NHSL2: variants seen among roughly 807,000 people sequenced by gnomAD.
NHSL2 encodes NHS-like protein 2.
A neutral mutation model predicts 53.4 loss-of-function variants in NHSL2; 27 were observed. The observed-to-expected ratio is 0.51, with a 90% CI of 0.37 to 0.70. The LOEUF (loss-of-function observed/expected upper bound fraction) is 0.70. Among genes scored for constraint, NHSL2 ranks in the 30% least tolerant of loss-of-function variants. The probability of loss-of-function intolerance (pLI) is 0.00; values close to 1 mark genes in which losing one functional copy is unlikely to be tolerated. For synonymous variants in NHSL2, 408 were observed against 404.1 expected (o/e 1.01, Z -0.12); for missense variants, 892 against 980.1 (o/e 0.91, Z 1.20).
chrX:71,924,852 C>T (rs1050474252), intron 1 of NHSL2, among the ~76,000 whole-genome samples: 1 of 112,121 alleles, frequency 8.9e-6, no homozygotes, highest in African/African-American at 3.2e-5. Flanking sequence ...GGTGTTGAGC[C>T]TCTGTTTTCT....
At position 71,925,210 on chromosome X, in the gene NHSL2, T is replaced by C. The variant is rs773547114; in HGVS notation, c.280+13843T>C. The stretch of plus-strand genomic sequence containing the variant: ...CAAGAGGTGGTTATTGACTCCTAGA[T>C]ATTTTGCCTGCAATAGGATATACCA... On this transcript the variant is annotated intron_variant, in intron 1 of 7. Coordinates refer to ENST00000633930, the MANE Select transcript of NHSL2 (RefSeq NM_001013627.3). 8.9e-5 allele frequency among the ~76,000 whole-genome samples: 10 copies of C among 111,951 alleles called. No homozygotes were observed. The East Asian group carries it at 2.8e-3, about 31-fold the overall frequency.
chrX:72,070,821 G>A (rs2041697027), intron 1 of NHSL2, among the ~76,000 whole-genome samples: 1 of 111,003 alleles, frequency 9.0e-6, no homozygotes, highest in South Asian at 3.9e-4. Flanking sequence ...GTGCCTGTTT[G>A]GGAAGCTCTC....
intron 1 of NHSL2, among the ~76,000 whole-genome samples, chrX:72,048,696 G>A (rs1287524224): frequency 9.1e-6 from 1 of 109,965 alleles, no homozygotes; most frequent in African/African-American, 3.3e-5. Flanking sequence ...CACCAGGGCG[G>A]GGCAGCAGCT....
At chrX:71,944,283 G>A (rs993383816) in intron 1 of NHSL2, among the ~76,000 whole-genome samples, 4 of 112,246 alleles carry the variant, frequency 3.6e-5, no homozygotes, top group African/African-American at 1.3e-4. Flanking sequence ...GCTACAAATT[G>A]GAGTTCTGTT....
chrX:72,113,647 G>A (rs1298342283), intron 1 of NHSL2, among the ~76,000 whole-genome samples: 1 of 112,230 alleles, frequency 8.9e-6, no homozygotes, highest in Non-Finnish European at 1.9e-5. Flanking sequence ...TGTCAGGTGC[G>A]CCTACCATAC....
chrX:72,108,148 G>C (rs907871755), intron 1 of NHSL2, among the ~76,000 whole-genome samples: 7 of 112,016 alleles, frequency 6.2e-5, no homozygotes, highest in African/African-American at 2.3e-4. Context: ...GACAGGTCTT[G>C]GTGATTCCTC....
In NHSL2 at chrX:71,980,109, C is replaced by T. The variant is rs189220632; in HGVS notation, c.280+68742C>T. ...TTATTTCTGAGGGCTCTGTTCTGTTCCATTGGTCTATATCTCTGTTTTGGT... is the reference window on the plus strand; with the variant it reads ...TTATTTCTGAGGGCTCTGTTCTGTTTCATTGGTCTATATCTCTGTTTTGGT... On this transcript the variant is annotated intron_variant, in intron 1 of 7. Transcript: ENST00000633930. 5.9e-3 allele frequency among the ~76,000 whole-genome samples: 659 copies of T among 111,593 alleles called. 5 individuals carry two copies. The highest frequency in any genetic ancestry group is 0.02 in the African/African-American group (620 of 30,639).
At chrX:72,083,616 T>C (rs748582549) in intron 1 of NHSL2, among the ~76,000 whole-genome samples, 1 of 112,737 alleles carries the variant, frequency 8.9e-6, no homozygotes, top group South Asian at 3.6e-4. Flanking sequence ...TTTCTATTTA[T>C]GGCAAGTGAT....
In NHSL2 at chrX:72,152,131, T is replaced by G. The variant is rs1004908793; in HGVS notation, c.*8557T>G. 8.9e-6 allele frequency: 1 copy of G among 112,917 alleles called. No individual in the cohort carries two copies. Among genetic ancestry groups the G allele is most frequent in the Non-Finnish European group, 1.9e-5 (1 of 53,361 alleles). 9.3% of individuals were successfully genotyped at this position (112,917 alleles called of 1,213,427 possible). On this transcript the variant is annotated 3_prime_UTR_variant, in exon 8 of 8. Transcript: ENST00000633930. ...CTGTGTTTTGAATCTCTAAATGAATTCTGTTCTAAAGCTTCTTCACGTCTC... is the reference window on the plus strand; with the variant it reads ...CTGTGTTTTGAATCTCTAAATGAATGCTGTTCTAAAGCTTCTTCACGTCTC...
At chrX:72,069,159 A>AGAGTGAGC (rs748714899) in intron 1 of NHSL2, among the ~76,000 whole-genome samples, 1 of 112,224 alleles carries the variant, frequency 8.9e-6, no homozygotes, top group Non-Finnish European at 1.9e-5. Context: ...TTCTGCAGAC[A>AGAGTGAGC]GAGTGAGCGA....
chrX:71,923,094 G>A (rs983824701), intron 1 of NHSL2, among the ~76,000 whole-genome samples: 5 of 111,666 alleles, frequency 4.5e-5, no homozygotes, highest in African/African-American at 9.8e-5. Flanking sequence ...AGCTAGTGAA[G>A]GAGAAGGTTC....
intron 1 of NHSL2, among the ~76,000 whole-genome samples, chrX:71,985,668 G>A (rs1052005635): frequency 8.9e-6 from 1 of 112,157 alleles, no homozygotes; most frequent in Non-Finnish European, 1.9e-5. Flanking sequence ...CAAAACAAAA[G>A]GATCCGCAAT....
chrX:72,126,839 C>T (rs757376903), intron 1 of NHSL2, among the ~76,000 whole-genome samples: 1 of 112,508 alleles, frequency 8.9e-6, no homozygotes, highest in South Asian at 3.7e-4. Context: ...CATGCCCGTG[C>T]GTGCCTGTAG....
intron 1 of NHSL2, among the ~76,000 whole-genome samples, chrX:71,931,747 C>T (rs1323448779): frequency 1.8e-5 from 2 of 112,789 alleles, no homozygotes; most frequent in Non-Finnish European, 3.7e-5. Context: ...ATGCCAGTAG[C>T]ACATAGTTTT....
intron 1 of NHSL2, among the ~76,000 whole-genome samples, chrX:72,069,066 A>C (rs2042449412): frequency 8.9e-6 from 1 of 112,416 alleles, no homozygotes; most frequent in African/African-American, 3.2e-5. Context: ...TGTCACTTAG[A>C]ATTCCTGGGT....
In NHSL2 at chrX:72,146,249, C is replaced by G. The variant is rs2042462929; in HGVS notation, c.*2675C>G. On this transcript the variant is annotated 3_prime_UTR_variant, in exon 8 of 8. Coordinates refer to ENST00000633930, the MANE Select transcript of NHSL2 (RefSeq NM_001013627.3). Reference sequence around the variant, plus strand: ...TAGACGTCCCAAATAAACAACCAAACTGTAAAATTTCTACTAATCACTAAT... The same window carrying G: ...TAGACGTCCCAAATAAACAACCAAAGTGTAAAATTTCTACTAATCACTAAT... 1 of 111,809 alleles carries G rather than the reference C, an allele frequency of 8.9e-6. No homozygotes were observed. Among genetic ancestry groups the G allele is most frequent in the East Asian group, 2.8e-4 (1 of 3,564 alleles). 9.2% of individuals were successfully genotyped at this position (111,809 alleles called of 1,213,427 possible). A position where few individuals can be genotyped will look rare whatever the true frequency, so the allele number is the denominator to read the frequency against.
intron 1 of NHSL2, among the ~76,000 whole-genome samples, chrX:71,971,313 G>A (rs2147858933): frequency 9.0e-6 from 1 of 111,652 alleles, no homozygotes; most frequent in African/African-American, 3.3e-5. Flanking sequence ...CCCCATTTTT[G>A]TGCTATTGTT....
intron 1 of NHSL2, among the ~76,000 whole-genome samples, chrX:71,987,210 C>CA (rs373290452): frequency 0.034 from 3,570 of 103,991 alleles, 148 homozygotes; most frequent in African/African-American, 0.12. Flanking sequence ...GACTCCGTAT[C>CA]AAAAAAAAAA....
intron 1 of NHSL2, among the ~76,000 whole-genome samples, chrX:71,944,555 AAAGG>A (rs1224559841): frequency 3.6e-5 from 4 of 112,006 alleles, no homozygotes; most frequent in African/African-American, 1.3e-4. Context: ...CCCTCAGCCA[AAAGG>A]AAGAGCCTGT....
Sources: gnomAD v4.1 joint callset for allele counts (sites outside exome capture counted in the v4.1 genomes callset) on GRCh38, gnomAD v4.1.1 for gene constraint, MANE v1.5 for transcripts, NCBI Gene and HGNC (gene_info 2026-07-23, HGNC 2026-07-21) for gene names.